Variants in RHPN1 observed in about 807,000 individuals in gnomAD.
The protein encoded by RHPN1 is rhophilin Rho GTPase binding protein 1.
RHPN1 carries 77 observed loss-of-function variants against 74.7 expected under a neutral mutation model. That is an observed-to-expected ratio of 1.03 (90% CI 0.86 to 1.25). The LOEUF (loss-of-function observed/expected upper bound fraction) is 1.25, where lower values mean the gene tolerates loss of function less well. Among genes scored for constraint, RHPN1 ranks in the 50% most tolerant of loss-of-function variants. The probability of loss-of-function intolerance (pLI) is 0.00; values close to 1 mark genes in which losing one functional copy is unlikely to be tolerated. For synonymous variants in RHPN1, 444 were observed against 414.5 expected (o/e 1.07, Z -0.87); for missense variants, 987 against 932.2 (o/e 1.06, Z -0.77).
Position 143,379,914 on chromosome 8 carries a change from T to C in RHPN1, c.1031T>C (p.Val344Ala). 6.2e-7 allele frequency: 1 copy of C among 1,603,282 alleles called. No homozygotes were observed. Among genetic ancestry groups the C allele is most frequent in the South Asian group, 1.1e-5 (1 of 89,300 alleles). ...DYVPVSWTALVHVKAEYFRSL... is the reference protein window; with the variant it reads ...DYVPVSWTALAHVKAEYFRSL... ...GTGCCTGTCTCCTGGACTGCCCTGG[T>C]GCATGTCAAGGCCGAGTACTTCCGC... Residue 344 changes from valine (V) to alanine (A), a missense_variant, in exon 9 of 15, where the codon GTG becomes GCG. Transcript: ENST00000289013.
Position 143,381,333 on chromosome 8 carries a change from T to A in RHPN1, c.1477T>A (p.Phe493Ile), listed in dbSNP as rs754425994. The A allele has an allele frequency of 1.9e-6, 3 of 1,610,642 alleles. No homozygotes were observed. The highest frequency in any genetic ancestry group is 1.7e-6 in the Non-Finnish European group (2 of 1,178,872). Residue 493 changes from phenylalanine (F) to isoleucine (I), a missense_variant, in exon 12 of 15, where the codon TTC becomes ATC. Physicochemically the swap from Phe to Ile is conservative, Grantham distance 21. Transcript: ENST00000289013. ...RLSQGKGPDI[F>I]HRLGPLSVFS... is the part of the protein sequence containing the mutation. ...GTCCCAGGGGAAGGGGCCTGACATC[T>A]TCCATCGGCTGGTGAGCACACCCGT...
upstream of RHPN1, chr8:143,367,049 T>G (rs1159669499): frequency 2.6e-5 from 4 of 152,298 alleles, no homozygotes; most frequent in Non-Finnish European, 4.4e-5. Context: ...ACCACAGAGC[T>G]GCTGGCGAAG....
chr8:143,380,168 G>A lies in RHPN1; in HGVS notation c.1209G>A (p.Arg403=). The A allele has an allele frequency of 6.5e-7, 1 of 1,541,190 alleles. No individual in the cohort carries two copies. Among genetic ancestry groups the A allele is most frequent in the African/African-American group, 1.4e-5 (1 of 73,068 alleles). Residue 403 remains arginine (R), a synonymous_variant, in exon 10 of 15, where the codon AGG becomes AGA. Coordinates refer to ENST00000289013, the MANE Select transcript of RHPN1 (RefSeq NM_052924.3). ...PVLPQELEER[R]QLGKAHLKRA... is the part of the protein sequence containing the mutation. ...TGCCGCAGGAGCTGGAGGAGCGCAGGCAGCTTGGTAAGGCGCCCATGGGTG... is the reference window on the plus strand; with the variant it reads ...TGCCGCAGGAGCTGGAGGAGCGCAGACAGCTTGGTAAGGCGCCCATGGGTG...
At chr8:143,376,942 C>G (rs995709985) in intron 3 of RHPN1, among the ~76,000 whole-genome samples, 14 of 142,550 alleles carry the variant, frequency 9.8e-5, no homozygotes, top group Non-Finnish European at 1.8e-4. Context: ...GTGTGTGCAT[C>G]TCTGTGCGTG....
At chr8:143,369,659 G>C (rs969203049) in intron 1 of RHPN1, among the ~76,000 whole-genome samples, 1 of 152,202 alleles carries the variant, frequency 6.6e-6, no homozygotes, top group Non-Finnish European at 1.5e-5. Flanking sequence ...ACGTCTGTGG[G>C]CCTTGCTCTG....
rs572042967 is a variant in RHPN1 at position 143,372,123 on chromosome 8, G to A, written c.60+3076G>A. Among the ~76,000 whole-genome samples, 3 of 152,216 alleles carry A rather than the reference G, an allele frequency of 2.0e-5. No individual in the cohort carries two copies. The South Asian group carries it at 6.2e-4, about 31-fold the overall frequency. ...CCCCGCAGCTCTCCTGGGGCCAGGA[G>A]GGGAGCAGGGACCTGGCTGGGTGTC... On this transcript the variant is annotated intron_variant, in intron 1 of 14. Coordinates refer to ENST00000289013, the MANE Select transcript of RHPN1 (RefSeq NM_052924.3).
chr8:143,371,606 C>T (rs1297422573), intron 1 of RHPN1, among the ~76,000 whole-genome samples: 1 of 152,208 alleles, frequency 6.6e-6, no homozygotes, highest in African/African-American at 2.4e-5. Context: ...ACACTGTTTC[C>T]TCCTGGGCAG....
At chr8:143,375,203 C>T (rs115349230) in intron 1 of RHPN1, among the ~76,000 whole-genome samples, 104 of 152,316 alleles carry the variant, frequency 6.8e-4, no homozygotes, top group African/African-American at 2.4e-3. Context: ...AGCAGTGGGC[C>T]GCCTCCTGCA....
At chr8:143,376,687 ATGTGTGTGCACGTGTGCGTG>A (rs1219308444) in intron 3 of RHPN1, 34 bp downstream of exon 3, 17 of 1,540,358 alleles carry the variant, frequency 1.1e-5, no homozygotes, top group Middle Eastern at 1.8e-4. Context: ...ACGTGCGTGT[ATGTGTGTGCACGTGTGCGTG>A]TGTGTGTGCA....
chr8:143,382,214 G>A lies in RHPN1; in HGVS notation c.1798-222G>A, dbSNP rs190965067. 2.6e-4 allele frequency among the ~76,000 whole-genome samples: 40 copies of A among 152,318 alleles called. 1 individual carries two copies. The South Asian group carries it at 3.7e-3, about 14-fold the overall frequency. Reference sequence around the variant, plus strand: ...CTGTATCCTCAGACTGGAGGCTTCTGGGCCAGGCGCTCCATCCCAGAGGTT... The same window carrying A: ...CTGTATCCTCAGACTGGAGGCTTCTAGGCCAGGCGCTCCATCCCAGAGGTT... On this transcript the variant is annotated intron_variant, in intron 14 of 14. Coordinates refer to ENST00000289013, the MANE Select transcript of RHPN1 (RefSeq NM_052924.3).
Position 143,379,503 on chromosome 8 carries a change from G to A in RHPN1, c.940G>A (p.Ala314Thr), listed in dbSNP as rs199609984. The A allele has an allele frequency of 3.0e-3, 4,679 of 1,546,874 alleles. 13 individuals carry two copies. The highest frequency in any genetic ancestry group is 0.014 in the Middle Eastern group (70 of 4,858). Residue 314 changes from alanine to threonine, a missense_variant, in exon 8 of 15, where the codon GCC becomes ACC. Transcript: ENST00000289013. ...CCAGCTGCGCCTGGCGCAGGAGGCC[G>A]CCCAGGTGAGCTCGGGCACCCGTGT... ...LAQLRLAQEA[A>T]QVAAEYRLVH...
chr8:143,379,156 G>A, intron 7 of RHPN1, 78 bp downstream of exon 7: 5 of 1,421,898 alleles, frequency 3.5e-6, no homozygotes, highest in South Asian at 2.9e-5. Context: ...GGCAGGAGCT[G>A]GGGAGTGGTT....
intron 9 of RHPN1, 29 bp from the exon 10 acceptor site, chr8:143,380,033 G>T (rs754223777): frequency 3.2e-6 from 5 of 1,547,220 alleles, no homozygotes; most frequent in Non-Finnish European, 4.4e-6. Flanking sequence ...GCCCCCCCGC[G>T]CAGGGCTCAC....
At chr8:143,366,284 TCTA>T (rs1410843364), upstream of RHPN1, among the ~76,000 whole-genome samples, 2 of 152,136 alleles carry the variant, frequency 1.3e-5, no homozygotes, top group Non-Finnish European at 2.9e-5. Context: ...AAAATTCTCC[TCTA>T]CTTTCTCACC....
Position 143,371,457 on chromosome 8 carries a change from C to T in RHPN1, c.60+2410C>T, listed in dbSNP as rs570069727. On this transcript the variant is annotated intron_variant, in intron 1 of 14. Coordinates refer to ENST00000289013, the MANE Select transcript of RHPN1 (RefSeq NM_052924.3). Reference sequence around the variant, plus strand: ...GTGGGTGACCTCTCCCTGGGGACTGCCTGGCCCAGGGCCAGGGGATCCTGG... The same window carrying T: ...GTGGGTGACCTCTCCCTGGGGACTGTCTGGCCCAGGGCCAGGGGATCCTGG... Among the ~76,000 whole-genome samples the T allele has an allele frequency of 2.0e-5, 3 of 152,198 alleles. No homozygotes were observed. In the South Asian group the frequency reaches 6.2e-4, roughly 32 times the overall value.
At chr8:143,379,764 T>TA in intron 8 of RHPN1, 65 bp from the exon 9 acceptor site, 1 of 1,530,664 alleles carries the variant, frequency 6.5e-7, no homozygotes, top group Non-Finnish European at 8.8e-7. Flanking sequence ...GGAGGCTGGG[T>TA]AGGGAGAAGC....
intron 11 of RHPN1, among the ~76,000 whole-genome samples, 185 bp downstream of exon 11, chr8:143,380,968 A>T (rs1026615247): frequency 1.2e-4 from 18 of 152,268 alleles, no homozygotes; most frequent in Admixed American, 1.3e-4. Context: ...GGCCTGGGGG[A>T]TGACCACGCT....
chr8:143,380,208 T>C, intron 10 of RHPN1, 33 bp downstream of exon 10: 1 of 1,411,792 alleles, frequency 7.1e-7, no homozygotes, highest in Non-Finnish European at 9.5e-7. Flanking sequence ...GCCCTGGGGC[T>C]CAGATGGTCA....
chr8:143,377,708 C>T (rs1163360447), intron 4 of RHPN1, among the ~76,000 whole-genome samples: 2 of 152,182 alleles, frequency 1.3e-5, no homozygotes, highest in Non-Finnish European at 2.9e-5. Context: ...GAACATGTGC[C>T]CTACCCTCGG....
Sources: allele counts gnomAD v4.1 joint callset (sites outside exome capture counted in the v4.1 genomes callset), GRCh38; gene constraint gnomAD v4.1.1; transcripts MANE v1.5; gene names NCBI Gene and HGNC (gene_info 2026-07-23, HGNC 2026-07-21).